Variants in PCDH15 observed in about 807,000 individuals in gnomAD.
PCDH15 encodes the protein protocadherin related 15.
PCDH15 carries 129 observed loss-of-function variants against 178.5 expected under a neutral mutation model. The observed-to-expected ratio is 0.72, with a 90% CI of 0.63 to 0.84. PCDH15 has a LOEUF of 0.84. Among genes scored for constraint, PCDH15 ranks in the 40% least tolerant of loss-of-function variants. PCDH15 has a pLI of 0.00. For synonymous variants in PCDH15, 800 were observed against 732.0 expected (o/e 1.09, Z -1.50); for missense variants, 2,230 against 2,099.9 (o/e 1.06, Z -1.21).
intron 2 of PCDH15, among the ~76,000 whole-genome samples, chr10:55,626,177 A>AT (rs1837524433): frequency 6.7e-6 from 1 of 149,678 alleles, no homozygotes; most frequent in Admixed American, 6.8e-5. Context: ...AAATAAATAA[A>AT]TAAATAAAAT....
At position 53,995,949 on chromosome 10, in the gene PCDH15, A is replaced by G. The variant is rs953783695; in HGVS notation, c.2752-184T>C. Among the ~76,000 whole-genome samples the G allele has an allele frequency of 1.1e-4, 16 of 152,040 alleles. 1 individual carries two copies. Among genetic ancestry groups the G allele is most frequent in the African/African-American group, 3.6e-4 (15 of 41,396 alleles). On this transcript the variant is annotated intron_variant, in intron 20 of 37. Coordinates refer to ENST00000644397, the MANE Select transcript of PCDH15 (RefSeq NM_001384140.1). Reference sequence around the variant, plus strand: ...AGGAAACTGCCAGAGTTCTCATACAATATTAATGTGTGGATATCAACTGAA... The same window carrying G: ...AGGAAACTGCCAGAGTTCTCATACAGTATTAATGTGTGGATATCAACTGAA...
intron 19 of PCDH15, among the ~76,000 whole-genome samples, chr10:54,021,343 C>A (rs1458575742): frequency 6.6e-6 from 1 of 151,960 alleles, no homozygotes; most frequent in African/African-American, 2.4e-5. Context: ...TATGGTGAAC[C>A]TCAGCCTTGG....
chr10:54,443,218 G>A (rs1347875636), intron 3 of PCDH15, among the ~76,000 whole-genome samples: 1 of 151,456 alleles, frequency 6.6e-6, no homozygotes, highest in Admixed American at 6.6e-5. Flanking sequence ...CTAATCATGA[G>A]ATAAGTCTCC....
chr10:55,576,830 T>C (rs771854771), intron 2 of PCDH15, among the ~76,000 whole-genome samples: 4 of 152,214 alleles, frequency 2.6e-5, no homozygotes, highest in Non-Finnish European at 4.4e-5. Flanking sequence ...ACATGAGTTA[T>C]TTGCATCTCA....
intron 2 of PCDH15, among the ~76,000 whole-genome samples, chr10:55,452,824 C>T (rs1839465314): frequency 6.6e-6 from 1 of 152,026 alleles, no homozygotes; most frequent in African/African-American, 2.4e-5. Flanking sequence ...AAGTCAAAAA[C>T]ATTCAGAATA....
chr10:55,464,902 GA>G (rs71014492), intron 2 of PCDH15, among the ~76,000 whole-genome samples: 4,676 of 139,818 alleles, frequency 0.033, 219 homozygotes, highest in African/African-American at 0.1. Flanking sequence ...TGCTTAAATT[GA>G]AAAAAAAAAA....
intron 2 of PCDH15, among the ~76,000 whole-genome samples, chr10:54,601,903 G>A (rs1177793075): frequency 6.6e-6 from 1 of 151,936 alleles, no homozygotes; most frequent in East Asian, 1.9e-4. Context: ...AATACTGCAT[G>A]TTCTCACTTA....
chr10:54,038,357 A>C (rs10825203), intron 18 of PCDH15, among the ~76,000 whole-genome samples: 90,664 of 151,558 alleles, frequency 0.6, 29,824 homozygotes, highest in Middle Eastern at 0.76. Context: ...AATGAGGCAG[A>C]GATTAGTTGC....
chr10:54,739,980 T>A (rs1337676536), intron 1 of PCDH15, among the ~76,000 whole-genome samples: 1 of 152,038 alleles, frequency 6.6e-6, no homozygotes, highest in African/African-American at 2.4e-5. Context: ...AGACAAAGAT[T>A]TTTTGGGCAA....
intron 3 of PCDH15, among the ~76,000 whole-genome samples, chr10:54,518,582 C>A (rs184068390): frequency 1.3e-5 from 2 of 152,052 alleles, no homozygotes; most frequent in East Asian, 1.9e-4. Flanking sequence ...GCTTACCAAC[C>A]AAAAAGAGTC....
At chr10:55,031,724 C>T (rs2131966816) in intron 2 of PCDH15, among the ~76,000 whole-genome samples, 1 of 152,276 alleles carries the variant, frequency 6.6e-6, no homozygotes, top group African/African-American at 2.4e-5. Context: ...GGCAGTTTGT[C>T]TTTTTTGCCA....
intron 1 of PCDH15, among the ~76,000 whole-genome samples, chr10:55,182,839 C>G (rs762273265): frequency 2.6e-5 from 4 of 151,918 alleles, no homozygotes; most frequent in Non-Finnish European, 5.9e-5. Flanking sequence ...AATCATTTAG[C>G]AAGACCTTGT....
chr10:54,741,294 C>T (rs560074991), intron 1 of PCDH15, among the ~76,000 whole-genome samples: 32 of 151,232 alleles, frequency 2.1e-4, no homozygotes, highest in Admixed American at 2.1e-3. Flanking sequence ...AAAATAAAGC[C>T]ATGCATACAT....
At chr10:54,688,638 GA>G (rs2095059139) in intron 1 of PCDH15, among the ~76,000 whole-genome samples, 1 of 152,064 alleles carries the variant, frequency 6.6e-6, no homozygotes, top group Non-Finnish European at 1.5e-5. Context: ...ATCTCAGTTT[GA>G]AAATCTAGCC....
chr10:53,910,544 C>T (rs777270067), intron 25 of PCDH15, among the ~76,000 whole-genome samples: 1 of 152,118 alleles, frequency 6.6e-6, no homozygotes, highest in Non-Finnish European at 1.5e-5. Context: ...ATAAAAACCA[C>T]AAAAATGGGA....
chr10:54,922,268 T>C (rs1226833483), intron 2 of PCDH15, among the ~76,000 whole-genome samples: 3 of 152,018 alleles, frequency 2.0e-5, no homozygotes, highest in Admixed American at 6.6e-5. Flanking sequence ...GCAAGGCAAA[T>C]CCCTTCCACT....
chr10:55,127,466 T>A (rs549731810), intron 2 of PCDH15, among the ~76,000 whole-genome samples: 3 of 152,068 alleles, frequency 2.0e-5, no homozygotes, highest in African/African-American at 7.2e-5. Context: ...ATCTATAGAA[T>A]GGACTCATAA....
chr10:54,930,923 T>G (rs1406964647), intron 2 of PCDH15, among the ~76,000 whole-genome samples: 1 of 152,204 alleles, frequency 6.6e-6, no homozygotes, highest in Non-Finnish European at 1.5e-5. Context: ...GGGCAATTTT[T>G]GTCTCTTATG....
intron 2 of PCDH15, among the ~76,000 whole-genome samples, chr10:54,995,527 C>G (rs757301945): frequency 8.6e-5 from 13 of 151,632 alleles, no homozygotes; most frequent in Non-Finnish European, 1.9e-4. Context: ...CCCATAACAA[C>G]TTCTAATATT....
Sources: allele counts gnomAD v4.1 joint callset (sites outside exome capture counted in the v4.1 genomes callset), GRCh38; gene constraint gnomAD v4.1.1; transcripts MANE v1.5; gene names NCBI Gene and HGNC (gene_info 2026-07-23, HGNC 2026-07-21).